Variants in FEM1C observed in about 807,000 individuals in gnomAD.
FEM1C encodes protein fem-1 homolog C.
Under a neutral mutation model 37.6 loss-of-function variants are expected in FEM1C, and 15 were observed. That is an observed-to-expected ratio of 0.40 (90% confidence interval 0.27 to 0.61). The LOEUF (loss-of-function observed/expected upper bound fraction) is 0.61, where lower values mean the gene tolerates loss of function less well. Among genes scored for constraint, FEM1C ranks in the 20% least tolerant of loss-of-function variants. The pLI is 0.42. For missense variants in FEM1C, 532 were observed against 749.7 expected (o/e 0.71, Z 3.39); for synonymous variants, 287 against 272.8 (o/e 1.05, Z -0.51).
At chr5:115,543,924 C>G (rs1163858944) in intron 1 of FEM1C, 4 of 985,236 alleles carry the variant, frequency 4.1e-6, no homozygotes, top group Non-Finnish European at 4.8e-6. Flanking sequence ...TTAAACACTA[C>G]AGGCAGCCCG....
At chr5:115,530,749 A>G (rs1386524540) in intron 2 of FEM1C, among the ~76,000 whole-genome samples, 1 of 152,168 alleles carries the variant, frequency 6.6e-6, no homozygotes, top group African/African-American at 2.4e-5. Context: ...TTGAATTTTT[A>G]ATACTCACTT....
intron 1 of FEM1C, 92 bp from the exon 2 acceptor site, chr5:115,543,775 T>C (rs1754293575): frequency 8.3e-7 from 1 of 1,208,110 alleles, no homozygotes; most frequent in South Asian, 2.3e-5. Flanking sequence ...AAGAAAGGAA[T>C]AAAAGCTATA....
intron 2 of FEM1C, among the ~76,000 whole-genome samples, chr5:115,531,482 C>G (rs1018164808): frequency 2.0e-5 from 3 of 151,988 alleles, no homozygotes; most frequent in Admixed American, 1.3e-4. Context: ...ATTTCCCTAC[C>G]CTATCTCTTT....
chr5:115,540,695 T>C (rs1163863664), intron 2 of FEM1C, among the ~76,000 whole-genome samples: 6 of 152,114 alleles, frequency 3.9e-5, no homozygotes, highest in African/African-American at 1.4e-4. Context: ...TTCTCTCATA[T>C]ACTATATCTC....
chr5:115,530,962 T>C (rs1339924969), intron 2 of FEM1C, among the ~76,000 whole-genome samples: 3 of 151,746 alleles, frequency 2.0e-5, no homozygotes, highest in Admixed American at 6.6e-5. Context: ...AAAAAATTAA[T>C]GAAAAAAGGG....
Position 115,537,707 on chromosome 5 carries a change from T to C in FEM1C, c.544+5243A>G, listed in dbSNP as rs1020136867. 5.9e-5 allele frequency among the ~76,000 whole-genome samples: 9 copies of C among 152,168 alleles called. No homozygotes were observed. The South Asian group carries it at 1.4e-3, about 25-fold the overall frequency. ...TTAAACATTACTCAATCAAAATAAA[T>C]ATAGATATATTAGAATAAGTCCCTC... On this transcript the variant is annotated intron_variant, in intron 2 of 2. Coordinates refer to ENST00000274457, the MANE Select transcript of FEM1C (RefSeq NM_020177.3).
chr5:115,543,817 C>G lies in FEM1C; in HGVS notation c.-190-134G>C, dbSNP rs988010801. ...GCACTACTCCATCCCACACACCCCCCCCACCCCCAAAGAAAAGGTGGTAAA... is the reference window on the plus strand; with the variant it reads ...GCACTACTCCATCCCACACACCCCCGCCACCCCCAAAGAAAAGGTGGTAAA... On this transcript the variant is annotated intron_variant, in intron 1 of 2. Coordinates refer to ENST00000274457, the MANE Select transcript of FEM1C (RefSeq NM_020177.3). 5 of 1,067,614 alleles carry G rather than the reference C, an allele frequency of 4.7e-6. No homozygotes were observed. The African/African-American group carries it at 6.7e-5, about 14-fold the overall frequency. 66.1% of individuals were successfully genotyped at this position (1,067,614 alleles called of 1,614,324 possible).
In FEM1C at chr5:115,543,158, C is replaced by A; in HGVS notation, c.336G>T (p.Thr112=). 6.2e-7 allele frequency: 1 copy of A among 1,614,178 alleles called. No individual in the cohort carries two copies. Among genetic ancestry groups the A allele is most frequent in the Non-Finnish European group, 8.5e-7 (1 of 1,180,034 alleles). The change falls in exon 2 of 3, where the codon ACG becomes ACT. Residue 112 remains threonine, a synonymous_variant. Coordinates refer to ENST00000274457, the MANE Select transcript of FEM1C (RefSeq NM_020177.3). ...LLNHGASVNN[T]TLTNSTPLRA... is the part of the protein sequence containing the mutation. Reference sequence around the variant, plus strand: ...GAAGAGGAGTTGAATTGGTTAAAGTCGTGTTGTTGACAGATGCTCCATGAT... The same window carrying A: ...GAAGAGGAGTTGAATTGGTTAAAGTAGTGTTGTTGACAGATGCTCCATGAT...
At chr5:115,533,216 C>G (rs1224532409) in intron 2 of FEM1C, among the ~76,000 whole-genome samples, 3 of 151,988 alleles carry the variant, frequency 2.0e-5, no homozygotes. Flanking sequence ...TATATTACCT[C>G]TATTCCTTGG....
Position 115,525,376 on chromosome 5 carries a change from C to G in FEM1C, c.786G>C (p.Leu262=), listed in dbSNP as rs768115858. 6.2e-7 allele frequency: 1 copy of G among 1,613,642 alleles called. No individual in the cohort carries two copies. The highest frequency in any genetic ancestry group is 8.5e-7 in the Non-Finnish European group (1 of 1,179,780). The change falls in exon 3 of 3, where the codon CTG becomes CTC. Residue 262 remains leucine, a synonymous_variant. Coordinates refer to ENST00000274457, the MANE Select transcript of FEM1C (RefSeq NM_020177.3). ...TTTTCCAGTATTTCAAAGCCCCAAG[C>G]AGATCTCTTTTTTTGTCTACAAATG... ...GATFVDKKRD[L]LGALKYWKKA...
At chr5:115,531,763 T>C (rs1754019544) in intron 2 of FEM1C, among the ~76,000 whole-genome samples, 1 of 152,134 alleles carries the variant, frequency 6.6e-6, no homozygotes, top group African/African-American at 2.4e-5. Context: ...TTGATTTCTT[T>C]CTCAACCATT....
intron 2 of FEM1C, among the ~76,000 whole-genome samples, chr5:115,538,880 A>T (rs1754183654): frequency 6.6e-6 from 1 of 152,000 alleles, no homozygotes; most frequent in Non-Finnish European, 1.5e-5. Context: ...CTTTCTGCAG[A>T]TCTAAACCCC....
intron 2 of FEM1C, among the ~76,000 whole-genome samples, chr5:115,537,748 T>G (rs575817081): frequency 6.6e-6 from 1 of 152,166 alleles, no homozygotes; most frequent in East Asian, 1.9e-4. Flanking sequence ...CCCCTTTTAT[T>G]TTTCTCTGTA....
chr5:115,527,045 T>C (rs1436566905), intron 2 of FEM1C, among the ~76,000 whole-genome samples: 1 of 152,036 alleles, frequency 6.6e-6, no homozygotes, highest in Non-Finnish European at 1.5e-5. Flanking sequence ...GGGAAGAATA[T>C]GCTCTATGTG....
At chr5:115,535,301 AAC>A (rs1754102369) in intron 2 of FEM1C, among the ~76,000 whole-genome samples, 1 of 151,000 alleles carries the variant, frequency 6.6e-6, no homozygotes, top group African/African-American at 2.4e-5. Flanking sequence ...AAAAAAAACA[AAC>A]ACAGAATGAG....
chr5:115,539,737 A>G (rs1450907763), intron 2 of FEM1C, among the ~76,000 whole-genome samples: 1 of 152,100 alleles, frequency 6.6e-6, no homozygotes. Flanking sequence ...AGAGCAGGGA[A>G]TCAAGGACTG....
chr5:115,526,503 C>A (rs960082013), intron 2 of FEM1C, among the ~76,000 whole-genome samples: 1 of 152,110 alleles, frequency 6.6e-6, no homozygotes, highest in Non-Finnish European at 1.5e-5. Flanking sequence ...TTAAAACTGA[C>A]AACAGGCACT....
chr5:115,543,624 A>C lies in FEM1C; in HGVS notation c.-131T>G. On this transcript the variant is annotated 5_prime_UTR_variant, in exon 2 of 3. Transcript: ENST00000274457. ...TTGCTGCACCCCAGAACGGATACAC[A>C]ACCACGAAGAGTATGTTCCGTCCTA... 2 of 1,446,914 alleles carry C rather than the reference A, an allele frequency of 1.4e-6. No individual in the cohort carries two copies. The highest frequency in any genetic ancestry group is 1.8e-6 in the Non-Finnish European group (2 of 1,106,316). The allele number at this position is 1,446,914 out of a possible 1,614,324, so 89.6% of individuals were successfully genotyped here.
At position 115,521,122 on chromosome 5, in the gene FEM1C, C is replaced by T. The variant is rs1171052852; in HGVS notation, c.*3186G>A. 6.6e-6 allele frequency: 1 copy of T among 150,842 alleles called. No homozygotes were observed. Among genetic ancestry groups the T allele is most frequent in the Non-Finnish European group, 1.5e-5 (1 of 67,444 alleles). The allele number at this position is 150,842 out of a possible 1,614,324, so 9.3% of individuals were successfully genotyped here. A position where few individuals can be genotyped will look rare whatever the true frequency, so the allele number is the denominator to read the frequency against. On this transcript the variant is annotated 3_prime_UTR_variant, in exon 3 of 3. Coordinates refer to ENST00000274457, the MANE Select transcript of FEM1C (RefSeq NM_020177.3). ...AAGAAAAAAAGAAAATGATGATGAC[C>T]AATTAGTTTGTTTCCTTAGTATCTA...
Sources: gnomAD v4.1 joint callset for allele counts (sites outside exome capture counted in the v4.1 genomes callset) on GRCh38, gnomAD v4.1.1 for gene constraint, MANE v1.5 for transcripts, NCBI Gene and HGNC (gene_info 2026-07-23, HGNC 2026-07-21) for gene names.